The following SEPTIN6 variants were observed in gnomAD, a reference collection of about 807,000 sequenced individuals.
SEPTIN6 encodes septin 6, also known as septin-6.
A neutral mutation model predicts 33.6 loss-of-function variants in SEPTIN6; 8 were observed. The ratio of observed to expected loss-of-function variants is 0.24; its 90% CI spans 0.14 to 0.43. The LOEUF (loss-of-function observed/expected upper bound fraction) is 0.43, where lower values mean the gene tolerates loss of function less well. Among genes scored for constraint, SEPTIN6 ranks in the 20% least tolerant of loss-of-function variants. SEPTIN6 has a pLI of 1.00. For synonymous variants in SEPTIN6, 131 were observed against 140.0 expected, an observed-to-expected ratio of 0.94 and a Z score of 0.45; for missense variants, 250 against 340.8, an observed-to-expected ratio of 0.73 and a Z score of 2.10.
intron 7 of SEPTIN6, among the ~76,000 whole-genome samples, chrX:119,636,279 C>T (rs1325596844): frequency 2.7e-5 from 3 of 111,812 alleles, no homozygotes; most frequent in Non-Finnish European, 3.8e-5. Context: ...GCCTGACCAC[C>T]ATAAAGGGCA....
At chrX:119,630,126 T>TA (rs2053935436) in intron 8 of SEPTIN6, among the ~76,000 whole-genome samples, 1 of 111,343 alleles carries the variant, frequency 9.0e-6, no homozygotes, top group Admixed American at 9.6e-5. Flanking sequence ...TCTCAAAAAA[T>TA]AAAAAAAGAA....
At chrX:119,637,274 A>G in intron 6 of SEPTIN6, 79 bp from the exon 7 acceptor site, 1 of 938,207 alleles carries the variant, frequency 1.1e-6, no homozygotes, top group Non-Finnish European at 1.5e-6. Flanking sequence ...AACGAGAGGC[A>G]AAATGTCTAA....
intron 2 of SEPTIN6, 44 bp downstream of exon 2, chrX:119,675,510 G>C: frequency 1.3e-6 from 1 of 784,347 alleles, no homozygotes; most frequent in Non-Finnish European, 1.8e-6. Context: ...AGCCATTAAG[G>C]ATCCATATTC....
intron 3 of SEPTIN6, 49 bp from the exon 4 acceptor site, chrX:119,653,089 T>G (rs1245941769): frequency 9.7e-7 from 1 of 1,030,057 alleles, no homozygotes; most frequent in Non-Finnish European, 1.3e-6. Flanking sequence ...AAACTTGGAT[T>G]TTGACACCGT....
chrX:119,655,617 C>T (rs751335521), intron 3 of SEPTIN6, among the ~76,000 whole-genome samples: 2 of 111,467 alleles, frequency 1.8e-5, no homozygotes, highest in African/African-American at 6.5e-5. Flanking sequence ...TTTCTTCTAG[C>T]TCTTGATTCC....
At chrX:119,692,307 A>T (rs1320306028) in intron 1 of SEPTIN6, among the ~76,000 whole-genome samples, 3 of 108,311 alleles carry the variant, frequency 2.8e-5, no homozygotes, top group Non-Finnish European at 3.8e-5. Flanking sequence ...GCAGCCAGCC[A>T]CCTACAGGCC....
intron 2 of SEPTIN6, among the ~76,000 whole-genome samples, chrX:119,673,083 G>A (rs2054773909): frequency 8.9e-6 from 1 of 111,837 alleles, no homozygotes; most frequent in Non-Finnish European, 1.9e-5. Flanking sequence ...TTCCAAAGTT[G>A]ATGTGGGCCA....
chrX:119,668,471 C>T, intron 2 of SEPTIN6, among the ~76,000 whole-genome samples: 1 of 112,302 alleles, frequency 8.9e-6, no homozygotes, highest in South Asian at 3.7e-4. Context: ...TTGGTAATAA[C>T]AGCTATTGTT....
Position 119,675,566 on chromosome X carries a change from T to G in SEPTIN6, c.133A>C (p.Ile45Leu). The G allele has an allele frequency of 8.7e-7, 1 of 1,147,526 alleles. No homozygotes were observed. Among genetic ancestry groups the G allele is most frequent in the Non-Finnish European group, 1.2e-6 (1 of 854,467 alleles). The allele number at this position is 1,147,526 out of a possible 1,213,427, so 94.6% of individuals were successfully genotyped here. A position where few individuals can be genotyped will look rare whatever the true frequency, so the allele number is the denominator to read the frequency against. The change falls in exon 2 of 11, where the codon ATC becomes CTC. Residue 45 changes from isoleucine (I) to leucine (L), a missense_variant. Physicochemically the swap from Ile to Leu is conservative, Grantham distance 5 (BLOSUM62 2). Around this residue, in one of 2 missense-constraint regions of SEPTIN6, gnomAD observed 111 missense variants for 113.8 expected, o/e 0.98. Coordinates refer to ENST00000394610, the MANE Select transcript of SEPTIN6 (RefSeq NM_145799.4). ...KSVSQGFCFN[I>L]LCVGETGLGK... is the part of the protein sequence containing the mutation. ...TGGAAATACTCACCCACGCACAGGA[T>G]GTTGAAGCAGAAGCCCTGGCTGACG...
intron 9 of SEPTIN6, among the ~76,000 whole-genome samples, chrX:119,628,162 G>A (rs1226362382): frequency 9.4e-6 from 1 of 106,322 alleles, no homozygotes; most frequent in African/African-American, 3.4e-5. Context: ...TCACTCCGTT[G>A]CCCAGGCTGG....
intron 9 of SEPTIN6, among the ~76,000 whole-genome samples, chrX:119,627,748 G>A (rs1247078788): frequency 8.5e-5 from 9 of 106,112 alleles, no homozygotes; most frequent in Non-Finnish European, 1.7e-4. Flanking sequence ...CCGAGTTTCT[G>A]CTAAAGGCTC....
At position 119,669,274 on chromosome X, in the gene SEPTIN6, A is replaced by G. The variant is rs945067718; in HGVS notation, c.146-5597T>C. On this transcript the variant is annotated intron_variant, in intron 2 of 10. Transcript: ENST00000394610. Reference sequence around the variant, plus strand: ...ATTCAGTCATTCAACGAGTATTTACAAAGACTCTAACAGGAGCCAGGCACA... The same window carrying G: ...ATTCAGTCATTCAACGAGTATTTACGAAGACTCTAACAGGAGCCAGGCACA... Among the ~76,000 whole-genome samples, 6 of 112,983 alleles carry G rather than the reference A, an allele frequency of 5.3e-5. No individual in the cohort carries two copies. The East Asian group carries it at 1.7e-3, about 31-fold the overall frequency.
chrX:119,660,913 G>A lies in SEPTIN6; in HGVS notation c.341+2569C>T, dbSNP rs1176919583. On this transcript the variant is annotated intron_variant, in intron 3 of 10. Transcript: ENST00000394610. ...AAAAATTAGCAGGGTGTGGTGGTGC[G>A]TGACTAATTCCACCTACTCTCGGGA... is the stretch of plus-strand genomic sequence containing the variant. 2.5e-4 allele frequency among the ~76,000 whole-genome samples: 27 copies of A among 106,184 alleles called. 1 individual carries two copies. The highest frequency in any genetic ancestry group is 2.0e-3 in the Admixed American group (19 of 9,692). 92.2% of individuals were successfully genotyped at this position (106,184 alleles called of 115,157 possible). A position where few individuals can be genotyped will look rare whatever the true frequency, so the allele number is the denominator to read the frequency against.
intron 9 of SEPTIN6, among the ~76,000 whole-genome samples, chrX:119,627,043 C>T (rs1187696144): frequency 8.9e-6 from 1 of 111,920 alleles, no homozygotes; most frequent in African/African-American, 3.3e-5. Flanking sequence ...AGCTGAATGC[C>T]TTCAAATATA....
intron 10 of SEPTIN6, chrX:119,624,154 TTTG>T (rs1237266169): frequency 2.9e-5 from 7 of 242,048 alleles, no homozygotes; most frequent in African/African-American, 1.3e-4. Context: ...GTTTTTTTTT[TTTG>T]TTTTTTTTTT....
At chrX:119,678,401 T>C (rs936121176) in intron 1 of SEPTIN6, among the ~76,000 whole-genome samples, 2 of 109,707 alleles carry the variant, frequency 1.8e-5, no homozygotes, top group Non-Finnish European at 3.8e-5. Flanking sequence ...GCGCCTGTAG[T>C]CCCAGCTACT....
Position 119,617,572 on chromosome X carries a change from G to GA in SEPTIN6, c.*2520dup, listed in dbSNP as rs1324294815. The GA allele has an allele frequency of 5.0e-6, 4 of 801,375 alleles. No individual in the cohort carries two copies. In the African/African-American group the frequency reaches 8.8e-5, roughly 18 times the overall value. The allele number at this position is 801,375 out of a possible 1,213,427, so 66.0% of individuals were successfully genotyped here. A position where few individuals can be genotyped will look rare whatever the true frequency, so the allele number is the denominator to read the frequency against. Reference sequence around the variant, plus strand: ...ATCCATCTTCAGATGTTTTTCTGTGGAAAAAAACCTCGAGGGTCTTCTAAT... The same window carrying GA: ...ATCCATCTTCAGATGTTTTTCTGTGGAAAAAAAACCTCGAGGGTCTTCTAAT... On this transcript the variant is annotated 3_prime_UTR_variant, in exon 11 of 11. Coordinates refer to ENST00000394610, the MANE Select transcript of SEPTIN6 (RefSeq NM_145799.4).
chrX:119,667,029 T>C (rs887970800), intron 2 of SEPTIN6, among the ~76,000 whole-genome samples: 2 of 110,896 alleles, frequency 1.8e-5, no homozygotes, highest in Non-Finnish European at 3.8e-5. Flanking sequence ...GAATTTTCCA[T>C]GTACATCCTT....
intron 5 of SEPTIN6, among the ~76,000 whole-genome samples, chrX:119,644,513 G>A (rs750194058): frequency 2.7e-5 from 3 of 111,649 alleles, no homozygotes; most frequent in African/African-American, 9.8e-5. Flanking sequence ...TCCTCACACA[G>A]CAGAAGGACA....
Sources: gnomAD v4.1 joint callset for allele counts (sites outside exome capture counted in the v4.1 genomes callset) on GRCh38, gnomAD v4.1.1 for gene constraint, gnomAD v4.1.1 regional missense constraint, MANE v1.5 for transcripts, NCBI Gene and HGNC (gene_info 2026-07-23, HGNC 2026-07-21) for gene names.